The following ARHGEF7 variants were observed in gnomAD, a reference collection of about 807,000 sequenced individuals.
The protein encoded by ARHGEF7 is Rho guanine nucleotide exchange factor 7, also known as PAK-interacting exchange factor beta.
In ARHGEF7, 33 loss-of-function variants were observed where a neutral mutation model predicts 109.8. The observed-to-expected ratio is 0.30, with a 90% CI of 0.23 to 0.40. ARHGEF7 has a LOEUF of 0.40. Ranked by LOEUF, ARHGEF7 falls within the 10% of genes least tolerant of loss-of-function variation. ARHGEF7 has a pLI of 1.00. For synonymous variants in ARHGEF7, 458 were observed against 424.6 expected, an observed-to-expected ratio of 1.08 and a Z score of -0.97; for missense variants, 938 against 1,098.5, an observed-to-expected ratio of 0.85 and a Z score of 2.07.
At chr13:111,280,165 A>G in intron 13 of ARHGEF7, 107 bp from the exon 14 acceptor site, 1 of 1,183,516 alleles carries the variant, frequency 8.4e-7, no homozygotes, top group South Asian at 1.5e-5. Flanking sequence ...TCACAAACAC[A>G]GTTCCTCCAC....
chr13:111,173,136 T>C (rs1402706226), intron 2 of ARHGEF7, among the ~76,000 whole-genome samples: 1 of 152,172 alleles, frequency 6.6e-6, no homozygotes, highest in Non-Finnish European at 1.5e-5. Context: ...CCCACACCTT[T>C]TTTCTTTTCA....
intron 17 of ARHGEF7, among the ~76,000 whole-genome samples, chr13:111,286,572 GAAGTGCCAGCATCTCCCA>G (rs1306832920): frequency 6.6e-6 from 1 of 152,148 alleles, no homozygotes; most frequent in Non-Finnish European, 1.5e-5. Flanking sequence ...CACACTTCCT[GAAGTGCCAGCATCTCCCA>G]AAGCACCCTG....
chr13:111,154,369 C>T (rs1157868850), intron 2 of ARHGEF7, among the ~76,000 whole-genome samples: 2 of 152,198 alleles, frequency 1.3e-5, no homozygotes, highest in African/African-American at 4.8e-5. Context: ...TAGAGATTGT[C>T]ATCTAAGGGC....
At position 111,303,044 on chromosome 13, in the gene ARHGEF7, C is replaced by T. The variant is rs147415044; in HGVS notation, c.2520C>T (p.Asp840=). ...AGGAAGAACAGAGAGCCCGCAAAGA[C>T]CTGGAGAAGCTGGTGAGGAAAGTCC... ...SLEEEQRARK[D]LEKLVRKVLK... is the part of the protein sequence containing the mutation. Residue 840 remains aspartate, a synonymous_variant, in exon 22 of 22, where the codon GAC becomes GAT. Transcript: ENST00000646102. The T allele has an allele frequency of 6.4e-4, 1,041 of 1,614,136 alleles. 7 individuals carry two copies. In the African/African-American group the frequency reaches 0.013, roughly 20 times the overall value.
chr13:111,166,938 C>T (rs79364032), intron 2 of ARHGEF7, among the ~76,000 whole-genome samples: 83 of 152,172 alleles, frequency 5.5e-4, no homozygotes, highest in Non-Finnish European at 1.0e-3. Flanking sequence ...GGGAGGAGGA[C>T]ATCCATGCCT....
At chr13:111,197,861 A>G (rs1161468277) in intron 2 of ARHGEF7, among the ~76,000 whole-genome samples, 1 of 152,074 alleles carries the variant, frequency 6.6e-6, no homozygotes, top group Non-Finnish European at 1.5e-5. Flanking sequence ...TTTTAGAAGC[A>G]GGACTAGCCT....
intron 1 of ARHGEF7, chr13:111,143,910 A>C (rs1190405886): frequency 1.3e-5 from 2 of 152,200 alleles, no homozygotes; most frequent in Non-Finnish European, 2.9e-5. Flanking sequence ...AATACGACTC[A>C]ATGGTGAAAT....
Position 111,115,432 on chromosome 13 carries a change from C to T in ARHGEF7, c.-95C>T. 6 of 933,432 alleles carry T rather than the reference C, an allele frequency of 6.4e-6. No individual in the cohort carries two copies. The highest frequency in any genetic ancestry group is 7.6e-6 in the Non-Finnish European group (6 of 785,478). The allele number at this position is 933,432 out of a possible 1,614,324, so 57.8% of individuals were successfully genotyped here. A position where few individuals can be genotyped will look rare whatever the true frequency, so the allele number is the denominator to read the frequency against. ...TCGCCGGCGCCGGCCGCTCGATGGG[C>T]GAGGCGGCGGCGGCGGCGGCGGGGG... On this transcript the variant is annotated 5_prime_UTR_variant, in exon 1 of 22. Transcript: ENST00000646102.
chr13:111,272,103 G>T lies in ARHGEF7; in HGVS notation c.1074-1711G>T, dbSNP rs2092200091. 6.6e-6 allele frequency among the ~76,000 whole-genome samples: 1 copy of T among 152,228 alleles called. No homozygotes were observed. The highest frequency in any genetic ancestry group is 2.4e-5 in the African/African-American group (1 of 41,464). ...TTTCCTAATGACTGTTTGGTTTTCA[G>T]CATGGTGTTTGAATCGGTTTCATTG... On this transcript the variant is annotated intron_variant, in intron 9 of 21. Coordinates refer to ENST00000646102, the MANE Select transcript of ARHGEF7 (RefSeq NM_001354046.2). This position sits in a 1 kb window ranked among gnomAD's most constrained non-coding sequence, Gnocchi z 5.2.
chr13:111,275,883 A>G, intron 12 of ARHGEF7: 2 of 595,440 alleles, frequency 3.4e-6, no homozygotes, highest in Non-Finnish European at 5.8e-6. Context: ...CTTGTTGATC[A>G]GTTTGATCCA....
chr13:111,121,895 AG>A (rs2067225714), intron 1 of ARHGEF7, among the ~76,000 whole-genome samples: 1 of 152,246 alleles, frequency 6.6e-6, no homozygotes, highest in Non-Finnish European at 1.5e-5. Context: ...GGTCATTACC[AG>A]GGTAAATGAG....
At chr13:111,164,141 A>G (rs138769786) in intron 2 of ARHGEF7, among the ~76,000 whole-genome samples, 1 of 152,216 alleles carries the variant, frequency 6.6e-6, no homozygotes, top group Admixed American at 6.5e-5. Flanking sequence ...TTGTGTGTCT[A>G]GGCATTTTCC....
At chr13:111,191,380 A>G (rs1179600331) in intron 2 of ARHGEF7, among the ~76,000 whole-genome samples, 1 of 152,144 alleles carries the variant, frequency 6.6e-6, no homozygotes, top group Non-Finnish European at 1.5e-5. Flanking sequence ...TGCGCTTTTC[A>G]TTGCTTGTGT....
chr13:111,115,293 G>A (rs2066657348), upstream of ARHGEF7: 3 of 151,018 alleles, frequency 2.0e-5, no homozygotes, highest in African/African-American at 4.9e-5. Flanking sequence ...GAGGCCGGGG[G>A]GCGGCGGCGG....
Position 111,209,924 on chromosome 13 carries a change from A to T in ARHGEF7, c.390A>T (p.Ile130=). ...GTGCCCGGCCCTCGTCTCACCGCATAAAGTCTTTTGACTCCCTTGGATCAC... is the reference window on the plus strand; with the variant it reads ...GTGCCCGGCCCTCGTCTCACCGCATTAAGTCTTTTGACTCCCTTGGATCAC... ...SVCARPSSHR[I]KSFDSLGSQS... is the part of the protein sequence containing the mutation. The change falls in exon 4 of 22, where the codon ATA becomes ATT. Residue 130 remains isoleucine, a synonymous_variant. Transcript: ENST00000646102. 1 of 1,614,196 alleles carries T rather than the reference A, an allele frequency of 6.2e-7. No homozygotes were observed. Among genetic ancestry groups the T allele is most frequent in the Non-Finnish European group, 8.5e-7 (1 of 1,180,036 alleles).
In ARHGEF7 at chr13:111,256,644, C is replaced by G. The variant is rs192677276; in HGVS notation, c.951-10904C>G. 3.2e-3 allele frequency among the ~76,000 whole-genome samples: 488 copies of G among 152,344 alleles called. 3 individuals are homozygous for G. The highest frequency in any genetic ancestry group is 0.011 in the African/African-American group (463 of 41,580). ...TCCTTCCTCCTCTTCCCTGCTCACTCGCTCTCTTCGTATTACCCACCTGTT... is the reference window on the plus strand; with the variant it reads ...TCCTTCCTCCTCTTCCCTGCTCACTGGCTCTCTTCGTATTACCCACCTGTT... On this transcript the variant is annotated intron_variant, in intron 8 of 21. Coordinates refer to ENST00000646102, the MANE Select transcript of ARHGEF7 (RefSeq NM_001354046.2).
rs570673965 is a variant in ARHGEF7 at position 111,279,871 on chromosome 13, T to G, written c.1507-401T>G. 1.5e-4 allele frequency among the ~76,000 whole-genome samples: 23 copies of G among 152,368 alleles called. No homozygotes were observed. In the East Asian group the frequency reaches 4.4e-3, roughly 29 times the overall value. ...TTTTGACTTTAAACTTGGAACTTCC[T>G]CTGCATTTCTTTACGAGGAAAATAC... On this transcript the variant is annotated intron_variant, in intron 13 of 21. Coordinates refer to ENST00000646102, the MANE Select transcript of ARHGEF7 (RefSeq NM_001354046.2).
chr13:111,171,975 C>G (rs1681509450), intron 2 of ARHGEF7, among the ~76,000 whole-genome samples: 1 of 152,240 alleles, frequency 6.6e-6, no homozygotes, highest in African/African-American at 2.4e-5. Context: ...TGATCTTGGA[C>G]TTCCCAGTTC....
intron 2 of ARHGEF7, among the ~76,000 whole-genome samples, chr13:111,182,856 G>A (rs1004553396): frequency 3.3e-5 from 5 of 152,166 alleles, no homozygotes; most frequent in Admixed American, 1.3e-4. Flanking sequence ...AGTGCTTCGA[G>A]TACCCATACA....
Sources: allele counts gnomAD v4.1 joint callset (sites outside exome capture counted in the v4.1 genomes callset), GRCh38; gene constraint gnomAD v4.1.1; non-coding constraint Gnocchi (gnomAD v3.1); transcripts MANE v1.5; gene names NCBI Gene and HGNC (gene_info 2026-07-23, HGNC 2026-07-21).